DISC1: variants seen among roughly 807,000 people sequenced by gnomAD.
DISC1 encodes disrupted in schizophrenia 1 protein.
Under a neutral mutation model 84.5 loss-of-function variants are expected in DISC1, and 57 were observed. That is an observed-to-expected ratio of 0.67 (90% confidence interval 0.55 to 0.84). The LOEUF is 0.84. DISC1 is among the 40% of genes least tolerant of loss of function. The pLI, the probability that DISC1 is intolerant of heterozygous loss-of-function variation, is 0.00. For missense variants in DISC1, 1,000 were observed against 1,057.8 expected, an observed-to-expected ratio of 0.95 and a Z score of 0.76; for synonymous variants, 411 against 415.2, an observed-to-expected ratio of 0.99 and a Z score of 0.12.
chr1:231,997,692 G>T (rs953077328), intron 10 of DISC1, among the ~76,000 whole-genome samples: 1 of 152,084 alleles, frequency 6.6e-6, no homozygotes, highest in Non-Finnish European at 1.5e-5. Flanking sequence ...TCCCCAAGGG[G>T]TAGGTAATTA....
At chr1:231,834,151 T>C (rs1289902211) in intron 9 of DISC1, among the ~76,000 whole-genome samples, 1 of 152,012 alleles carries the variant, frequency 6.6e-6, no homozygotes, top group African/African-American at 2.4e-5. Flanking sequence ...AGGAAATTGC[T>C]GGGCAGGTGG....
intron 7 of DISC1, among the ~76,000 whole-genome samples, chr1:231,798,000 C>G (rs1346009614): frequency 6.6e-6 from 1 of 151,760 alleles, no homozygotes; most frequent in Non-Finnish European, 1.5e-5. Flanking sequence ...ACAAAACTGT[C>G]CAGTCACACA....
At chr1:232,036,431 A>G (rs951024674) in intron 12 of DISC1, among the ~76,000 whole-genome samples, 2 of 152,232 alleles carry the variant, frequency 1.3e-5, no homozygotes, top group African/African-American at 4.8e-5. Flanking sequence ...TGTCTCTGCT[A>G]AGAGCTGACT....
At chr1:231,793,136 C>A (rs1291650848) in intron 6 of DISC1, among the ~76,000 whole-genome samples, 3 of 152,160 alleles carry the variant, frequency 2.0e-5, no homozygotes, top group African/African-American at 4.8e-5. Context: ...AAATATAGTT[C>A]TTACAGTTGA....
At chr1:231,844,948 A>G (rs1416916493) in intron 9 of DISC1, among the ~76,000 whole-genome samples, 2 of 151,936 alleles carry the variant, frequency 1.3e-5, no homozygotes, top group East Asian at 1.9e-4. Context: ...AAAAAGAAAA[A>G]AAAGAAAAAG....
intron 9 of DISC1, among the ~76,000 whole-genome samples, chr1:231,912,745 CTTTCTT>C (rs2089314868): frequency 3.6e-3 from 13 of 3,612 alleles, no homozygotes; most frequent in Admixed American, 9.2e-3. Flanking sequence ...GCTTGCTCTT[CTTTCTT>C]TCTTTCTTTC....
intron 6 of DISC1, among the ~76,000 whole-genome samples, chr1:231,789,048 T>C (rs2125579038): frequency 6.6e-6 from 1 of 152,302 alleles, no homozygotes; most frequent in African/African-American, 2.4e-5. Flanking sequence ...AAGGCAGAAA[T>C]AAATAACAAA....
chr1:231,999,003 T>A (rs533318092), intron 10 of DISC1, among the ~76,000 whole-genome samples: 1 of 152,154 alleles, frequency 6.6e-6, no homozygotes, highest in East Asian at 1.9e-4. Flanking sequence ...AGCAAATTTA[T>A]ATGGAAAAAC....
chr1:231,771,408 T>G, intron 6 of DISC1: 3 of 985,436 alleles, frequency 3.0e-6, no homozygotes, highest in Non-Finnish European at 3.6e-6. Flanking sequence ...ATGCCAACTT[T>G]TGCTGAGGAC....
chr1:231,812,424 A>T (rs1461233489), intron 8 of DISC1, among the ~76,000 whole-genome samples: 1 of 152,136 alleles, frequency 6.6e-6, no homozygotes, highest in South Asian at 2.1e-4. Context: ...TTCAGCATAA[A>T]TTGTGTTTAT....
rs115108125 is a variant in DISC1 at position 231,924,655 on chromosome 1, A to G, written c.1982-34173A>G. Among the ~76,000 whole-genome samples the G allele has an allele frequency of 6.6e-3, 1,005 of 151,548 alleles. 9 individuals are homozygous for G. The highest frequency in any genetic ancestry group is 0.023 in the African/African-American group (932 of 41,282). Reference sequence around the variant, plus strand: ...ATGTTGCAACATATGGACATTTGCAACAATTTTTTTTTTTTTTTTGAGATG... The same window carrying G: ...ATGTTGCAACATATGGACATTTGCAGCAATTTTTTTTTTTTTTTTGAGATG... On this transcript the variant is annotated intron_variant, in intron 9 of 12. Coordinates refer to ENST00000439617, the MANE Select transcript of DISC1 (RefSeq NM_018662.3).
At chr1:231,923,307 C>CAAAAAAAAA (rs1461560372) in intron 9 of DISC1, among the ~76,000 whole-genome samples, 2 of 138,534 alleles carry the variant, frequency 1.4e-5, no homozygotes, top group African/African-American at 2.7e-5. Flanking sequence ...CAAAAAAAAC[C>CAAAAAAAAA]AAAAAAAAAA....
chr1:231,868,345 C>G (rs1466480327), intron 9 of DISC1, among the ~76,000 whole-genome samples: 2 of 151,998 alleles, frequency 1.3e-5, no homozygotes, highest in Non-Finnish European at 2.9e-5. Flanking sequence ...TATTTTTCAT[C>G]TCTTTCTTTA....
chr1:231,763,318 C>T (rs1421104673), intron 4 of DISC1, among the ~76,000 whole-genome samples: 4 of 152,138 alleles, frequency 2.6e-5, no homozygotes, highest in Admixed American at 6.5e-5. Context: ...TAATGAGAAG[C>T]GAATGTGATC....
chr1:231,902,304 G>A (rs2088240952), intron 9 of DISC1, among the ~76,000 whole-genome samples: 1 of 152,060 alleles, frequency 6.6e-6, no homozygotes, highest in South Asian at 2.1e-4. Context: ...GTAACAGGCA[G>A]TATTCTAGGT....
At chr1:231,691,205 G>T (rs1442397498) in intron 1 of DISC1, among the ~76,000 whole-genome samples, 1 of 152,018 alleles carries the variant, frequency 6.6e-6, no homozygotes, top group African/African-American at 2.4e-5. Flanking sequence ...CCTAGGCGGG[G>T]GGATCACCTG....
chr1:231,722,817 C>T, intron 3 of DISC1: 2 of 1,442,568 alleles, frequency 1.4e-6, no homozygotes, highest in Non-Finnish European at 1.8e-6. Flanking sequence ...ACCAGGTGGG[C>T]ATTTCTGCCC....
At chr1:231,786,566 T>C (rs1479072517) in intron 6 of DISC1, among the ~76,000 whole-genome samples, 1 of 152,192 alleles carries the variant, frequency 6.6e-6, no homozygotes, top group Non-Finnish European at 1.5e-5. Context: ...GAGGAACTGG[T>C]AATAAACTAC....
At chr1:231,799,148 C>T (rs2078990930) in intron 7 of DISC1, among the ~76,000 whole-genome samples, 1 of 152,008 alleles carries the variant, frequency 6.6e-6, no homozygotes, top group Admixed American at 6.6e-5. Flanking sequence ...AAGATTTTTG[C>T]TATTTTTGAA....
Sources: gnomAD v4.1 joint callset for allele counts (sites outside exome capture counted in the v4.1 genomes callset) on GRCh38, gnomAD v4.1.1 for gene constraint, MANE v1.5 for transcripts, NCBI Gene and HGNC (gene_info 2026-07-23, HGNC 2026-07-21) for gene names.